Variants in PLCB1 observed in about 807,000 individuals in gnomAD.
The protein encoded by PLCB1 is phospholipase C beta 1.
Under a neutral mutation model 161.8 loss-of-function variants are expected in PLCB1, and 46 were observed. The observed-to-expected ratio is 0.28, with a 90% CI of 0.22 to 0.36. PLCB1 has a LOEUF of 0.36. Ranked by LOEUF, PLCB1 falls within the 10% of genes least tolerant of loss-of-function variation. The pLI is 1.00. For missense variants in PLCB1, 1,016 were observed against 1,472.5 expected (o/e 0.69, Z 5.07); for synonymous variants, 517 against 503.7 (o/e 1.03, Z -0.35).
chr20:8,306,162 A>G (rs1371684206), intron 2 of PLCB1, among the ~76,000 whole-genome samples: 3 of 152,252 alleles, frequency 2.0e-5, no homozygotes, highest in Admixed American at 1.3e-4. Flanking sequence ...TATAGAATGA[A>G]TTGCTTCACT....
chr20:8,544,726 C>T lies in PLCB1; in HGVS notation c.247-83568C>T, dbSNP rs561643693. 3.3e-5 allele frequency among the ~76,000 whole-genome samples: 5 copies of T among 152,268 alleles called. No homozygotes were observed. In the South Asian group the frequency reaches 1.0e-3, roughly 32 times the overall value. The stretch of plus-strand genomic sequence containing the variant: ...TAACTTCAGGGCATGTGCAAGTTTT[C>T]CTGATGTGCATGTGAAACTGTGTCT... On this transcript the variant is annotated intron_variant, in intron 3 of 31. Coordinates refer to ENST00000338037, the MANE Select transcript of PLCB1 (RefSeq NM_015192.4).
intron 3 of PLCB1, among the ~76,000 whole-genome samples, chr20:8,444,895 T>G (rs1440770111): frequency 2.0e-5 from 3 of 148,172 alleles, no homozygotes; most frequent in African/African-American, 7.8e-5. Context: ...TTGATGAGGT[T>G]TTTTTTTTTC....
intron 3 of PLCB1, among the ~76,000 whole-genome samples, chr20:8,561,309 A>G (rs1240733057): frequency 1.3e-5 from 2 of 152,026 alleles, no homozygotes; most frequent in Non-Finnish European, 2.9e-5. Context: ...AACTTAGAAC[A>G]TAATATAATT....
chr20:8,457,584 C>T (rs1172689707), intron 3 of PLCB1, among the ~76,000 whole-genome samples: 4 of 152,092 alleles, frequency 2.6e-5, no homozygotes, highest in Non-Finnish European at 4.4e-5. Context: ...AATCAGTCGT[C>T]TATTTAATTA....
At chr20:8,238,737 T>G (rs1184621871) in intron 2 of PLCB1, among the ~76,000 whole-genome samples, 1 of 151,786 alleles carries the variant, frequency 6.6e-6, no homozygotes, top group Non-Finnish European at 1.5e-5. Flanking sequence ...GCGGGAAGTG[T>G]TTGGCCTGTG....
At chr20:8,279,644 T>G (rs1982777818) in intron 2 of PLCB1, among the ~76,000 whole-genome samples, 1 of 152,212 alleles carries the variant, frequency 6.6e-6, no homozygotes, top group Admixed American at 6.5e-5. Flanking sequence ...CAAATTATAG[T>G]ATGTTCATAT....
At chr20:8,416,751 C>T (rs190994319) in intron 3 of PLCB1, among the ~76,000 whole-genome samples, 9 of 152,094 alleles carry the variant, frequency 5.9e-5, no homozygotes, top group African/African-American at 1.7e-4. Flanking sequence ...TGTTTAGAGA[C>T]TCTTTCAGGA....
intron 3 of PLCB1, among the ~76,000 whole-genome samples, chr20:8,515,228 T>C (rs976044077): frequency 6.6e-6 from 1 of 152,256 alleles, no homozygotes; most frequent in African/African-American, 2.4e-5. Flanking sequence ...CTGGCTATAA[T>C]AGCCCTTCAA....
chr20:8,859,740 A>T (rs2146311771), intron 31 of PLCB1, among the ~76,000 whole-genome samples: 1 of 152,226 alleles, frequency 6.6e-6, no homozygotes, highest in East Asian at 1.9e-4. Flanking sequence ...TATTGGAGCA[A>T]GTTAAATGTC....
intron 2 of PLCB1, among the ~76,000 whole-genome samples, chr20:8,210,236 G>C (rs1978750431): frequency 6.6e-6 from 1 of 152,174 alleles, no homozygotes; most frequent in Admixed American, 6.5e-5. Flanking sequence ...AATATCAATA[G>C]TATTTCTCTT....
chr20:8,523,398 ATGTGTGTGTG>A (rs34787623), intron 3 of PLCB1, among the ~76,000 whole-genome samples: 31 of 122,578 alleles, frequency 2.5e-4, no homozygotes, highest in Admixed American at 7.6e-4. Flanking sequence ...CATAACAAAT[ATGTGTGTGTG>A]TGTGTGTGTG....
At chr20:8,424,070 A>G (rs539978410) in intron 3 of PLCB1, among the ~76,000 whole-genome samples, 13 of 152,272 alleles carry the variant, frequency 8.5e-5, no homozygotes, top group Non-Finnish European at 1.3e-4. Context: ...CACTCCTTCC[A>G]TTTTACAATT....
intron 2 of PLCB1, among the ~76,000 whole-genome samples, chr20:8,249,129 C>T (rs760432894): frequency 1.3e-5 from 2 of 151,868 alleles, no homozygotes; most frequent in Non-Finnish European, 2.9e-5. Context: ...ATTTTGGTTG[C>T]ATAAATCGTC....
chr20:8,867,542 CT>C (rs1347723154), intron 31 of PLCB1, among the ~76,000 whole-genome samples: 2 of 152,092 alleles, frequency 1.3e-5, no homozygotes, highest in Admixed American at 6.5e-5. Context: ...GCCCGGAGGG[CT>C]TTTATTGATT....
Position 8,466,329 on chromosome 20 carries a change from T to TG in PLCB1, c.246+94884dup, listed in dbSNP as rs1266582303. On this transcript the variant is annotated intron_variant, in intron 3 of 31. Transcript: ENST00000338037. The stretch of plus-strand genomic sequence containing the variant: ...TCACACTCTGGGGACTGTTGTGGGG[T>TG]GGGGGAGGGGGGAGGGATAGCATTG... Among the ~76,000 whole-genome samples, 14 of 42,258 alleles carry TG rather than the reference T, an allele frequency of 3.3e-4. No individual in the cohort carries two copies. The Admixed American group carries it at 4.1e-3, about 12-fold the overall frequency. The allele number at this position is 42,258 out of a possible 152,430, so 27.7% of individuals were successfully genotyped here. A position where few individuals can be genotyped will look rare whatever the true frequency, so the allele number is the denominator to read the frequency against.
chr20:8,424,022 G>C (rs780282660), intron 3 of PLCB1, among the ~76,000 whole-genome samples: 24 of 152,124 alleles, frequency 1.6e-4, no homozygotes, highest in Admixed American at 7.9e-4. Flanking sequence ...CCCTCTGGAA[G>C]AACAGAGGGG....
chr20:8,757,630 T>C (rs533328989), intron 24 of PLCB1, among the ~76,000 whole-genome samples: 2 of 152,270 alleles, frequency 1.3e-5, no homozygotes, highest in East Asian at 1.9e-4. Context: ...GCTTTTCATA[T>C]GGATCATTTC....
intron 3 of PLCB1, among the ~76,000 whole-genome samples, chr20:8,620,441 C>A (rs1988148481): frequency 6.6e-6 from 1 of 152,008 alleles, no homozygotes; most frequent in South Asian, 2.1e-4. Context: ...CAAAGCCAGA[C>A]AGAATGCAGG....
At chr20:8,325,304 C>T (rs1008390977) in intron 2 of PLCB1, among the ~76,000 whole-genome samples, 2 of 152,158 alleles carry the variant, frequency 1.3e-5, no homozygotes, top group Non-Finnish European at 2.9e-5. Flanking sequence ...GACCATTATT[C>T]TGGACTCTTC....
Sources: gnomAD v4.1 joint callset for allele counts (sites outside exome capture counted in the v4.1 genomes callset) on GRCh38, gnomAD v4.1.1 for gene constraint, MANE v1.5 for transcripts, NCBI Gene and HGNC (gene_info 2026-07-23, HGNC 2026-07-21) for gene names.